The following SHISA6 variants were observed in gnomAD, a reference collection of about 807,000 sequenced individuals.
The protein encoded by SHISA6 is shisa family member 6.
Under a neutral mutation model 47.9 loss-of-function variants are expected in SHISA6, and 22 were observed. The observed-to-expected ratio is 0.46, with a 90% CI of 0.33 to 0.66. The LOEUF (loss-of-function observed/expected upper bound fraction) is 0.66. Ranked by LOEUF, SHISA6 falls within the 30% of genes least tolerant of loss-of-function variation. The pLI is 0.02. For missense variants in SHISA6, 680 were observed against 764.6 expected (o/e 0.89, Z 1.30); for synonymous variants, 388 against 337.8 (o/e 1.15, Z -1.63).
chr17:11,253,744 A>G (rs1417159561), intron 1 of SHISA6, among the ~76,000 whole-genome samples: 2 of 151,302 alleles, frequency 1.3e-5, no homozygotes, highest in Non-Finnish European at 2.9e-5. Flanking sequence ...TTCTTTTTCT[A>G]TTTCCTTGAG....
intron 3 of SHISA6, among the ~76,000 whole-genome samples, chr17:11,430,828 A>G (rs940111831): frequency 6.6e-6 from 1 of 152,196 alleles, no homozygotes; most frequent in Non-Finnish European, 1.5e-5. Context: ...ACAGCAAAGA[A>G]CACAAAGAGA....
chr17:11,421,176 T>A (rs532487270), intron 3 of SHISA6, among the ~76,000 whole-genome samples: 2 of 152,340 alleles, frequency 1.3e-5, no homozygotes, highest in South Asian at 2.1e-4. Flanking sequence ...ATTCTGAGAT[T>A]TTATGATTAA....
chr17:11,440,821 G>T (rs1915075210), intron 3 of SHISA6, among the ~76,000 whole-genome samples: 1 of 151,898 alleles, frequency 6.6e-6, no homozygotes, highest in Non-Finnish European at 1.5e-5. Context: ...GGAGATGTGG[G>T]TATGGCCCCT....
At chr17:11,282,888 A>G (rs1394990537) in intron 2 of SHISA6, among the ~76,000 whole-genome samples, 1 of 152,164 alleles carries the variant, frequency 6.6e-6, no homozygotes, top group South Asian at 2.1e-4. Context: ...ATTCACTCCA[A>G]TTTTCCCCAA....
At chr17:11,271,561 C>A (rs987797621) in intron 2 of SHISA6, among the ~76,000 whole-genome samples, 1 of 151,604 alleles carries the variant, frequency 6.6e-6, no homozygotes, top group Non-Finnish European at 1.5e-5. Flanking sequence ...CCTCAGCCTC[C>A]CAAGTAGCTG....
chr17:11,410,212 G>T (rs1395329353), intron 3 of SHISA6, among the ~76,000 whole-genome samples: 1 of 152,154 alleles, frequency 6.6e-6, no homozygotes, highest in African/African-American at 2.4e-5. Context: ...TAATCAAGTT[G>T]GCTGCGACCT....
At chr17:11,258,298 A>G (rs2142142385) in intron 1 of SHISA6, among the ~76,000 whole-genome samples, 1 of 152,348 alleles carries the variant, frequency 6.6e-6, no homozygotes, top group African/African-American at 2.4e-5. Context: ...TTTCCACAGC[A>G]TTTAGACAGC....
In SHISA6 at chr17:11,558,491, C is replaced by T; in HGVS notation, c.*187C>T. On this transcript the variant is annotated 3_prime_UTR_variant, in exon 6 of 6. Transcript: ENST00000441885. ...ACAGCCCCGATGGCCTGGTCCAATA[C>T]ACTTAGACCCAGGACCAAGAGCAAT... The T allele has an allele frequency of 1.6e-6, 1 of 635,394 alleles. No homozygotes were observed. Among genetic ancestry groups the T allele is most frequent in the South Asian group, 2.0e-5 (1 of 51,182 alleles). 39.4% of individuals were successfully genotyped at this position (635,394 alleles called of 1,614,324 possible).
At chr17:11,499,391 A>G (rs968900523) in intron 3 of SHISA6, among the ~76,000 whole-genome samples, 5 of 151,816 alleles carry the variant, frequency 3.3e-5, no homozygotes, top group African/African-American at 4.8e-5. Context: ...GCACCTCTTC[A>G]TGGAACCTCA....
At chr17:11,463,083 A>G (rs1343898894) in intron 3 of SHISA6, among the ~76,000 whole-genome samples, 1 of 152,206 alleles carries the variant, frequency 6.6e-6, no homozygotes, top group Non-Finnish European at 1.5e-5. Flanking sequence ...CACATTTTCA[A>G]AGGATTATCC....
chr17:11,555,995 C>T lies in SHISA6; in HGVS notation c.1105+103C>T, dbSNP rs148894603. 7.9e-4 allele frequency: 1,054 copies of T among 1,330,242 alleles called. 10 individuals are homozygous for T. In the African/African-American group the frequency reaches 0.014, roughly 18 times the overall value. 82.4% of individuals were successfully genotyped at this position (1,330,242 alleles called of 1,614,324 possible). Reference sequence around the variant, plus strand: ...ATACCCCATAGGACAGCTGTCAAATCCCAAGAATAAAGAAGGAGTTGCAGG... The same window carrying T: ...ATACCCCATAGGACAGCTGTCAAATTCCAAGAATAAAGAAGGAGTTGCAGG... On this transcript the variant is annotated intron_variant, in intron 5 of 5. Coordinates refer to ENST00000441885, the MANE Select transcript of SHISA6 (RefSeq NM_207386.4).
chr17:11,269,031 T>G (rs1259831009), intron 2 of SHISA6, among the ~76,000 whole-genome samples: 2 of 149,656 alleles, frequency 1.3e-5, no homozygotes, highest in Non-Finnish European at 2.9e-5. Flanking sequence ...TGCCCAGTTT[T>G]TTTTGTTTGT....
chr17:11,267,038 G>A (rs796223258), intron 2 of SHISA6, among the ~76,000 whole-genome samples: 8 of 152,330 alleles, frequency 5.3e-5, no homozygotes, highest in Non-Finnish European at 8.8e-5. Context: ...GCGTAATAGC[G>A]AATGGATCCT....
At chr17:11,524,695 C>T (rs141520906) in intron 3 of SHISA6, among the ~76,000 whole-genome samples, 2,732 of 152,120 alleles carry the variant, frequency 0.018, 73 homozygotes, top group East Asian at 0.087. Flanking sequence ...GACGGGGTTT[C>T]GCCATGTTGG....
At chr17:11,425,660 A>G (rs946054388) in intron 3 of SHISA6, among the ~76,000 whole-genome samples, 1 of 152,188 alleles carries the variant, frequency 6.6e-6, no homozygotes, top group African/African-American at 2.4e-5. Flanking sequence ...AGTTTTAGGC[A>G]ACACTAGATT....
chr17:11,425,152 A>C (rs1337493072), intron 3 of SHISA6, among the ~76,000 whole-genome samples: 1 of 152,086 alleles, frequency 6.6e-6, no homozygotes, highest in African/African-American at 2.4e-5. Context: ...AAATATATCT[A>C]CATCAAATAG....
intron 3 of SHISA6, among the ~76,000 whole-genome samples, chr17:11,432,555 C>A (rs1914811317): frequency 6.6e-6 from 1 of 152,076 alleles, no homozygotes; most frequent in African/African-American, 2.4e-5. Context: ...TGGTAACTGA[C>A]CCTGCCTAAC....
rs1445192543 is a variant in SHISA6 at position 11,560,449 on chromosome 17, A to G, written c.*2145A>G. On this transcript the variant is annotated 3_prime_UTR_variant, in exon 6 of 6. Coordinates refer to ENST00000441885, the MANE Select transcript of SHISA6 (RefSeq NM_207386.4). ...GGTGAGGCTAAGAGGGTTGGAAAGG[A>G]AGAAGTGAGTCTGAATAGAGCAGGT... 6.6e-6 allele frequency: 1 copy of G among 152,404 alleles called. No individual in the cohort carries two copies. Among genetic ancestry groups the G allele is most frequent in the Non-Finnish European group, 1.5e-5 (1 of 68,250 alleles). The allele number at this position is 152,404 out of a possible 1,614,324, so 9.4% of individuals were successfully genotyped here.
intron 3 of SHISA6, among the ~76,000 whole-genome samples, chr17:11,430,130 G>A (rs1597509377): frequency 2.6e-5 from 4 of 152,208 alleles, no homozygotes. Flanking sequence ...CAGCTAAGAA[G>A]AGTTAAGATT....
Sources: allele counts gnomAD v4.1 joint callset (sites outside exome capture counted in the v4.1 genomes callset), GRCh38; gene constraint gnomAD v4.1.1; transcripts MANE v1.5; gene names NCBI Gene and HGNC (gene_info 2026-07-23, HGNC 2026-07-21).